The following KIF4A variants were observed in gnomAD, a reference collection of about 807,000 sequenced individuals.
KIF4A encodes the protein kinesin family member 4A.
A neutral mutation model predicts 105.9 loss-of-function variants in KIF4A; 7 were observed. That is an observed-to-expected ratio of 0.07 (90% CI 0.04 to 0.12). The LOEUF (loss-of-function observed/expected upper bound fraction) is 0.12, where lower values mean the gene tolerates loss of function less well. KIF4A is among the 10% of genes least tolerant of loss of function. The probability of loss-of-function intolerance (pLI) is 1.00; values close to 1 mark genes in which losing one functional copy is unlikely to be tolerated. For missense variants in KIF4A, 558 were observed against 929.2 expected, an observed-to-expected ratio of 0.60 and a Z score of 5.19; for synonymous variants, 281 against 331.3, an observed-to-expected ratio of 0.85 and a Z score of 1.65.
intron 13 of KIF4A, among the ~76,000 whole-genome samples, chrX:70,350,323 A>T (rs1368571333): frequency 9.0e-6 from 1 of 111,678 alleles, no homozygotes; most frequent in Non-Finnish European, 1.9e-5. Flanking sequence ...CGTCTCCACC[A>T]AAAATACAAA....
intron 7 of KIF4A, among the ~76,000 whole-genome samples, chrX:70,304,527 A>G (rs2085818398): frequency 9.1e-6 from 1 of 110,410 alleles, no homozygotes; most frequent in Non-Finnish European, 1.9e-5. Flanking sequence ...TGACTTCCAC[A>G]ATGGTTGAAC....
chrX:70,404,198 A>G (rs2086291942), intron 24 of KIF4A, among the ~76,000 whole-genome samples, 164 bp downstream of exon 24: 1 of 112,279 alleles, frequency 8.9e-6, no homozygotes, highest in Non-Finnish European at 1.9e-5. Flanking sequence ...TGACTTGTCT[A>G]ACTTTATACA....
At chrX:70,408,839 A>G (rs1312439678) in intron 28 of KIF4A, among the ~76,000 whole-genome samples, 1 of 112,172 alleles carries the variant, frequency 8.9e-6, no homozygotes, top group Non-Finnish European at 1.9e-5. Flanking sequence ...TCTCAGGGAG[A>G]TGGACCGGGG....
chrX:70,417,650 GAA>G (rs1364503186), intron 28 of KIF4A, among the ~76,000 whole-genome samples: 1 of 111,290 alleles, frequency 9.0e-6, no homozygotes, highest in East Asian at 2.8e-4. Flanking sequence ...CCATCTCAAA[GAA>G]AAAAAGAAAA....
intron 18 of KIF4A, 105 bp from the exon 19 acceptor site, chrX:70,386,513 G>A: frequency 1.7e-6 from 1 of 576,165 alleles, no homozygotes; most frequent in Non-Finnish European, 2.9e-6. Context: ...TCACTGTATT[G>A]TAGTTAACCT....
At chrX:70,334,239 G>A (rs925307399) in intron 10 of KIF4A, among the ~76,000 whole-genome samples, 1 of 112,176 alleles carries the variant, frequency 8.9e-6, no homozygotes, top group Admixed American at 9.4e-5. Context: ...CGCCAGCTGT[G>A]TTTATTGTTA....
At chrX:70,293,309 A>G (rs1188683352) in intron 3 of KIF4A, among the ~76,000 whole-genome samples, 1 of 112,690 alleles carries the variant, frequency 8.9e-6, no homozygotes, top group Non-Finnish European at 1.9e-5. Context: ...TGACATAAAT[A>G]TGATGATCAT....
intron 29 of KIF4A, 112 bp downstream of exon 29, chrX:70,418,116 C>T (rs182705893): frequency 6.5e-4 from 355 of 549,756 alleles, no homozygotes; most frequent in Non-Finnish European, 9.3e-4. Flanking sequence ...GCTCTTCCAA[C>T]CCTTCTCCTT....
chrX:70,409,524 G>T (rs987627091), intron 28 of KIF4A, among the ~76,000 whole-genome samples: 3 of 111,480 alleles, frequency 2.7e-5, no homozygotes, highest in African/African-American at 9.8e-5. Context: ...TAGAGGCCAG[G>T]CGTGGCTCAT....
chrX:70,371,535 C>G (rs2086132912), intron 15 of KIF4A, among the ~76,000 whole-genome samples: 1 of 111,335 alleles, frequency 9.0e-6, no homozygotes, highest in Admixed American at 9.4e-5. Flanking sequence ...GGGCTCCTCA[C>G]TTCCCAGTAG....
intron 20 of KIF4A, among the ~76,000 whole-genome samples, chrX:70,393,339 T>A (rs190595860): frequency 1.7e-3 from 193 of 111,507 alleles, no homozygotes; most frequent in Middle Eastern, 4.6e-3. Flanking sequence ...GAGACTTATT[T>A]TATGGCCCAG....
chrX:70,350,707 G>T (rs2086026897), intron 13 of KIF4A, among the ~76,000 whole-genome samples: 3 of 111,519 alleles, frequency 2.7e-5, no homozygotes, highest in South Asian at 3.8e-4. Flanking sequence ...GGGGAGAGGG[G>T]TCTCTTCACT....
intron 3 of KIF4A, among the ~76,000 whole-genome samples, chrX:70,293,203 C>G (rs1341238951): frequency 8.9e-6 from 1 of 112,430 alleles, no homozygotes; most frequent in African/African-American, 3.2e-5. Context: ...TTCAAAACTT[C>G]AAAGTTTTCA....
chrX:70,330,436 G>A, intron 9 of KIF4A, 104 bp downstream of exon 9: 2 of 783,071 alleles, frequency 2.6e-6, no homozygotes, highest in Middle Eastern at 3.2e-4. Context: ...AGAGATGTTG[G>A]TTAGGCATTA....
intron 3 of KIF4A, among the ~76,000 whole-genome samples, chrX:70,293,251 T>C (rs1387219694): frequency 1.8e-5 from 2 of 112,533 alleles, no homozygotes; most frequent in African/African-American, 3.2e-5. Flanking sequence ...TAAAGGGTTT[T>C]TTCCTTCAGA....
At chrX:70,376,260 GCTGA>G (rs771845541) in intron 18 of KIF4A, 50 bp downstream of exon 18, 9 of 698,528 alleles carry the variant, frequency 1.3e-5, no homozygotes, top group South Asian at 2.6e-5. Context: ...CCTTCTCTGA[GCTGA>G]CTAACAATTT....
chrX:70,420,078 G>T lies in KIF4A; in HGVS notation c.3512G>T (p.Cys1171Phe). 8.3e-7 allele frequency: 1 copy of T among 1,210,702 alleles called. No homozygotes were observed. The highest frequency in any genetic ancestry group is 1.8e-5 in the South Asian group (1 of 56,815). The change falls in exon 31 of 31, where the codon TGC becomes TTC. Residue 1171 changes from cysteine to phenylalanine, a missense_variant. Cys to Phe is a radical substitution (Grantham distance 205). This residue lies in a region of KIF4A where 469 missense variants were observed against 680.4 expected (regional missense o/e 0.69). Coordinates refer to ENST00000374403, the MANE Select transcript of KIF4A (RefSeq NM_012310.5). ...TPNSKILKEM[C>F]DVEQVLSKKT... ...CCCTCCTAGATCCTGAAAGAGATGTGCGATGTGGAGCAGGTGCTGTCAAAG... is the reference window on the plus strand; with the variant it reads ...CCCTCCTAGATCCTGAAAGAGATGTTCGATGTGGAGCAGGTGCTGTCAAAG...
At chrX:70,395,604 G>C in intron 20 of KIF4A, 67 bp from the exon 21 acceptor site, 1 of 1,175,492 alleles carries the variant, frequency 8.5e-7, no homozygotes, top group Non-Finnish European at 1.2e-6. Flanking sequence ...TAAGTCTGGA[G>C]CTGAATCTAG....
chrX:70,419,199 G>A (rs188786313), intron 29 of KIF4A, among the ~76,000 whole-genome samples: 5 of 112,259 alleles, frequency 4.5e-5, no homozygotes, highest in South Asian at 3.7e-4. Flanking sequence ...TTCAGTTTGC[G>A]TTCAAGAGTC....
Sources: gnomAD v4.1 joint callset for allele counts (sites outside exome capture counted in the v4.1 genomes callset) on GRCh38, gnomAD v4.1.1 for gene constraint, gnomAD v4.1.1 regional missense constraint, MANE v1.5 for transcripts, NCBI Gene and HGNC (gene_info 2026-07-23, HGNC 2026-07-21) for gene names.